HDAC9: variants seen among roughly 807,000 people sequenced by gnomAD.
HDAC9 encodes the protein MEF-2 interacting transcription repressor (MITR) protein.
A neutral mutation model predicts 139.4 loss-of-function variants in HDAC9; 41 were observed. The observed-to-expected ratio is 0.29, with a 90% CI of 0.23 to 0.38. The LOEUF is 0.38. HDAC9 is among the 10% of genes least tolerant of loss of function. The probability of loss-of-function intolerance (pLI) is 1.00; values close to 1 mark genes in which losing one functional copy is unlikely to be tolerated. For missense variants in HDAC9, 1,147 were observed against 1,297.0 expected (o/e 0.88, Z 1.78); for synonymous variants, 517 against 476.2 (o/e 1.09, Z -1.12).
chr7:18,355,585 A>G lies in HDAC9; in HGVS notation c.-42+65070A>G, dbSNP rs184632951. On this transcript the variant is annotated intron_variant, in intron 1 of 3. Transcript: ENST00000413509. ...AATGGACTGTTGGACTGCATGCTAAAAGTATACCCAGAGTGAATTTTCAGA... is the reference window on the plus strand; with the variant it reads ...AATGGACTGTTGGACTGCATGCTAAGAGTATACCCAGAGTGAATTTTCAGA... 7.8e-3 allele frequency among the ~76,000 whole-genome samples: 1,191 copies of G among 152,256 alleles called. 6 individuals are homozygous for G. Among genetic ancestry groups the G allele is most frequent in the Non-Finnish European group, 0.013 (859 of 67,994 alleles).
intron 21 of HDAC9, among the ~76,000 whole-genome samples, chr7:18,840,217 GA>G (rs1796500076): frequency 6.6e-6 from 1 of 152,040 alleles, no homozygotes; most frequent in Admixed American, 6.6e-5. Flanking sequence ...AAAGGTCATA[GA>G]GCTCTTGATC....
intron 1 of HDAC9, among the ~76,000 whole-genome samples, chr7:18,455,717 T>C (rs978429143): frequency 1.3e-5 from 2 of 152,158 alleles, no homozygotes; most frequent in Non-Finnish European, 2.9e-5. Flanking sequence ...CACAGTTGGG[T>C]CACAAATTAT....
At chr7:18,347,256 C>T (rs1310386962) in intron 1 of HDAC9, among the ~76,000 whole-genome samples, 1 of 152,178 alleles carries the variant, frequency 6.6e-6, no homozygotes, top group Non-Finnish European at 1.5e-5. Flanking sequence ...TTTTCCCACT[C>T]TTAGCAGAAA....
intron 12 of HDAC9, among the ~76,000 whole-genome samples, chr7:18,712,200 G>T (rs915650135): frequency 6.6e-6 from 1 of 151,876 alleles, no homozygotes; most frequent in South Asian, 2.1e-4. Context: ...ATACATCAGC[G>T]ACTTCTCATT....
chr7:18,300,731 T>C (rs1421261198), intron 1 of HDAC9, among the ~76,000 whole-genome samples: 1 of 152,182 alleles, frequency 6.6e-6, no homozygotes, highest in Non-Finnish European at 1.5e-5. Context: ...AGACCGGTTA[T>C]ATTAAAACTA....
At chr7:18,258,497 C>A (rs1399619143) in intron 2 of HDAC9, among the ~76,000 whole-genome samples, 1 of 152,110 alleles carries the variant, frequency 6.6e-6, no homozygotes, top group East Asian at 1.9e-4. Context: ...CACCCTTTTT[C>A]CCAAGTCCCC....
At chr7:18,209,846 G>T (rs1387806311) in intron 2 of HDAC9, among the ~76,000 whole-genome samples, 1 of 151,844 alleles carries the variant, frequency 6.6e-6, no homozygotes, top group Non-Finnish European at 1.5e-5. Flanking sequence ...GACTACGGGC[G>T]CCCGCCACCA....
intron 15 of HDAC9, among the ~76,000 whole-genome samples, chr7:18,763,425 A>G (rs1789558923): frequency 6.6e-6 from 1 of 152,200 alleles, no homozygotes; most frequent in Non-Finnish European, 1.5e-5. Flanking sequence ...AGGGGAATAC[A>G]TAAAGATTAT....
chr7:18,583,126 CTAATA>C (rs1332904531), intron 2 of HDAC9, among the ~76,000 whole-genome samples: 2 of 151,764 alleles, frequency 1.3e-5, no homozygotes, highest in East Asian at 1.9e-4. Context: ...ATATTTGTTT[CTAATA>C]TGTTTGTTTT....
intron 2 of HDAC9, among the ~76,000 whole-genome samples, chr7:18,247,051 C>G (rs1412294539): frequency 1.3e-5 from 2 of 151,944 alleles, no homozygotes; most frequent in Non-Finnish European, 2.9e-5. Context: ...GAAGCTATGG[C>G]TGGAGCAGGC....
At chr7:18,762,114 T>C (rs1789442828) in intron 14 of HDAC9, 43 bp from the exon 15 acceptor site, 2 of 1,610,998 alleles carry the variant, frequency 1.2e-6, no homozygotes, top group Non-Finnish European at 1.7e-6. Flanking sequence ...TTCTTCTAAA[T>C]GTTGTCAGTG....
chr7:18,717,431 C>CTTT lies in HDAC9; in HGVS notation c.1732-10134_1732-10132dup, dbSNP rs59746761. 2.3e-4 allele frequency among the ~76,000 whole-genome samples: 31 copies of CTTT among 137,240 alleles called. 1 individual carries two copies. The highest frequency in any genetic ancestry group is 8.4e-4 in the African/African-American group (30 of 35,750). 90.0% of individuals were successfully genotyped at this position (137,240 alleles called of 152,430 possible). A position where few individuals can be genotyped will look rare whatever the true frequency, so the allele number is the denominator to read the frequency against. On this transcript the variant is annotated intron_variant, in intron 12 of 25. Coordinates refer to ENST00000686413, the MANE Select transcript of HDAC9 (RefSeq NM_178425.4). ...CTCTTATGGATTGATTTACAATTTC[C>CTTT]TTTTTTTTTTTTTTTTTGAGACGGA... is the stretch of plus-strand genomic sequence containing the variant.
At chr7:18,812,990 T>C (rs769050867) in intron 17 of HDAC9, among the ~76,000 whole-genome samples, 2 of 152,132 alleles carry the variant, frequency 1.3e-5, no homozygotes, top group African/African-American at 2.4e-5. Flanking sequence ...GATTCCCATT[T>C]AGTTCTTTTT....
intron 11 of HDAC9, among the ~76,000 whole-genome samples, chr7:18,655,822 G>C (rs1270473381): frequency 6.6e-6 from 1 of 152,092 alleles, no homozygotes; most frequent in African/African-American, 2.4e-5. Context: ...TATGAGGTAA[G>C]AAAACGGGGG....
At chr7:18,278,679 C>CT (rs544711653) in intron 2 of HDAC9, among the ~76,000 whole-genome samples, 2 of 151,542 alleles carry the variant, frequency 1.3e-5, no homozygotes, top group Admixed American at 6.6e-5. Context: ...ATTTCTTAAA[C>CT]TTTTTTTTTG....
At chr7:18,200,980 TAGAATGCTGG>T (rs1791076026) in intron 2 of HDAC9, among the ~76,000 whole-genome samples, 1 of 152,180 alleles carries the variant, frequency 6.6e-6, no homozygotes, top group Non-Finnish European at 1.5e-5. Context: ...TATACCATCA[TAGAATGCTGG>T]AGCCTGTAGG....
chr7:18,991,467 C>G (rs895537140), intron 25 of HDAC9, among the ~76,000 whole-genome samples: 1 of 152,094 alleles, frequency 6.6e-6, no homozygotes, highest in Non-Finnish European at 1.5e-5. Flanking sequence ...GAAACCCTGT[C>G]TCTACTAAAA....
At chr7:18,174,842 G>A (rs983119323) in intron 2 of HDAC9, among the ~76,000 whole-genome samples, 1 of 152,132 alleles carries the variant, frequency 6.6e-6, no homozygotes, top group Non-Finnish European at 1.5e-5. Flanking sequence ...TCCCAGATGG[G>A]CACCTGCCTG....
At chr7:18,554,460 G>C (rs569321326) in intron 2 of HDAC9, among the ~76,000 whole-genome samples, 1 of 150,382 alleles carries the variant, frequency 6.6e-6, no homozygotes, top group East Asian at 2.0e-4. Context: ...CTCAGCCTCC[G>C]GAGTAGCTGG....
Sources: allele counts gnomAD v4.1 joint callset (sites outside exome capture counted in the v4.1 genomes callset), GRCh38; gene constraint gnomAD v4.1.1; transcripts MANE v1.5; gene names NCBI Gene and HGNC (gene_info 2026-07-23, HGNC 2026-07-21).